Variants in OSBPL10 observed in about 807,000 individuals in gnomAD.
OSBPL10 encodes oxysterol-binding protein-related protein 10.
OSBPL10 carries 49 observed loss-of-function variants against 81.7 expected under a neutral mutation model. The ratio of observed to expected loss-of-function variants is 0.60; its 90% CI spans 0.48 to 0.76. OSBPL10 has a LOEUF of 0.76. OSBPL10 is among the 30% of genes least tolerant of loss of function. OSBPL10 has a pLI of 0.00. For synonymous variants in OSBPL10, 419 were observed against 383.6 expected, an observed-to-expected ratio of 1.09 and a Z score of -1.08; for missense variants, 923 against 987.8, an observed-to-expected ratio of 0.93 and a Z score of 0.88.
intron 2 of OSBPL10, among the ~76,000 whole-genome samples, chr3:32,035,133 C>A (rs1416761423): frequency 1.3e-5 from 2 of 152,096 alleles, no homozygotes; most frequent in Non-Finnish European, 2.9e-5. Flanking sequence ...GTAGGATATA[C>A]CATAAATGTA....
At chr3:31,664,339 C>A (rs1464866868) in intron 10 of OSBPL10, 107 bp from the exon 11 acceptor site, 3 of 1,173,024 alleles carry the variant, frequency 2.6e-6, no homozygotes, top group Non-Finnish European at 3.6e-6. Context: ...CAGGCAAGCC[C>A]CCTCTGGGGT....
chr3:31,783,786 G>A (rs1250200068), intron 4 of OSBPL10, among the ~76,000 whole-genome samples: 16 of 16,808 alleles, frequency 9.5e-4, no homozygotes, highest in African/African-American at 2.6e-3. Context: ...GCAAGACTCC[G>A]ATTAAAAAAA....
At chr3:31,889,189 T>C (rs11926570) in intron 1 of OSBPL10, among the ~76,000 whole-genome samples, 34,721 of 152,148 alleles carry the variant, frequency 0.23, 4,048 homozygotes, top group Non-Finnish European at 0.24. Flanking sequence ...GGAACTCTTA[T>C]ACACTATTGG....
chr3:31,758,026 A>G (rs1229395364), intron 4 of OSBPL10, among the ~76,000 whole-genome samples: 1 of 152,220 alleles, frequency 6.6e-6, no homozygotes, highest in Non-Finnish European at 1.5e-5. Context: ...TGACTAAACT[A>G]TAGAGCCTCA....
At chr3:31,678,781 A>AGTGTGTGTGTGTGTGTGTGT (rs1559411581) in intron 8 of OSBPL10, among the ~76,000 whole-genome samples, 6 of 99,212 alleles carry the variant, frequency 6.0e-5, no homozygotes, top group African/African-American at 2.1e-4. Flanking sequence ...ACAGATTCAA[A>AGTGTGTGTGTGTGTGTGTGT]CTGTGTGTGT....
chr3:31,855,977 C>T (rs747286415), intron 3 of OSBPL10, among the ~76,000 whole-genome samples: 1 of 151,444 alleles, frequency 6.6e-6, no homozygotes, highest in Non-Finnish European at 1.5e-5. Context: ...TAAACTAGTT[C>T]AACTGAATCA....
intron 2 of OSBPL10, among the ~76,000 whole-genome samples, chr3:32,003,333 C>T (rs1699169956): frequency 6.6e-6 from 1 of 152,142 alleles, no homozygotes; most frequent in Non-Finnish European, 1.5e-5. Flanking sequence ...GGCAAGTAGC[C>T]CCCAGAGGGG....
intron 11 of OSBPL10, chr3:31,663,685 G>C: frequency 9.1e-7 from 1 of 1,093,048 alleles, no homozygotes; most frequent in South Asian, 2.7e-5. Context: ...CCCAGGTGTT[G>C]AGATGGCCTG....
At chr3:32,075,959 C>T (rs138957999) in intron 1 of OSBPL10, among the ~76,000 whole-genome samples, 3 of 152,308 alleles carry the variant, frequency 2.0e-5, no homozygotes, top group African/African-American at 4.8e-5. Context: ...TAATCTCCCC[C>T]ACCCTTAAGA....
intron 4 of OSBPL10, among the ~76,000 whole-genome samples, chr3:31,779,420 C>G (rs1698629112): frequency 6.6e-6 from 1 of 152,036 alleles, no homozygotes; most frequent in African/African-American, 2.4e-5. Flanking sequence ...AATTGTTATT[C>G]TATCAGACAA....
At chr3:31,737,592 T>G (rs113362828) in intron 5 of OSBPL10, among the ~76,000 whole-genome samples, 1 of 151,958 alleles carries the variant, frequency 6.6e-6, no homozygotes, top group African/African-American at 2.4e-5. Context: ...GAACAGGAAA[T>G]AGTGGAATCA....
At chr3:31,916,949 TA>T (rs1696773241) in intron 1 of OSBPL10, among the ~76,000 whole-genome samples, 1 of 152,224 alleles carries the variant, frequency 6.6e-6, no homozygotes, top group South Asian at 2.1e-4. Context: ...GCAGACTAAA[TA>T]TATCTCTTTT....
intron 2 of OSBPL10, among the ~76,000 whole-genome samples, chr3:32,044,800 A>C (rs1337677894): frequency 1.3e-5 from 2 of 151,788 alleles, no homozygotes; most frequent in Non-Finnish European, 2.9e-5. Flanking sequence ...CCATATACTA[A>C]GTATAAATAG....
At chr3:31,959,580 G>A (rs1698104909) in intron 1 of OSBPL10, among the ~76,000 whole-genome samples, 1 of 152,140 alleles carries the variant, frequency 6.6e-6, no homozygotes, top group South Asian at 2.1e-4. Flanking sequence ...GAGTCTCAGG[G>A]CATCAGCTAG....
At chr3:31,980,761 C>G in intron 1 of OSBPL10, 138 bp downstream of exon 1, 7 of 1,151,846 alleles carry the variant, frequency 6.1e-6, no homozygotes, top group Non-Finnish European at 8.0e-6. Context: ...GGAAGGGCAC[C>G]GTTGGGAGGC....
At chr3:31,814,583 G>A (rs911910275) in intron 4 of OSBPL10, among the ~76,000 whole-genome samples, 1 of 152,172 alleles carries the variant, frequency 6.6e-6, no homozygotes, top group Non-Finnish European at 1.5e-5. Context: ...ATGAACCACA[G>A]AACAGCAAGG....
At position 31,744,492 on chromosome 3, in the gene OSBPL10, C is replaced by T. The variant is rs529669182; in HGVS notation, c.940+3418G>A. On this transcript the variant is annotated intron_variant, in intron 5 of 11. Transcript: ENST00000396556. ...AGCGGAGGTTGCAGTGAGCCGAGATCGCGTCACTGCACTCCACCCTGGGTG... is the reference window on the plus strand; with the variant it reads ...AGCGGAGGTTGCAGTGAGCCGAGATTGCGTCACTGCACTCCACCCTGGGTG... 3.2e-4 allele frequency among the ~76,000 whole-genome samples: 47 copies of T among 145,136 alleles called. No homozygotes were observed. The South Asian group carries it at 8.2e-3, about 25-fold the overall frequency.
chr3:31,764,332 A>T (rs1014922991), intron 4 of OSBPL10, among the ~76,000 whole-genome samples: 4 of 152,152 alleles, frequency 2.6e-5, no homozygotes, highest in African/African-American at 9.7e-5. Context: ...TCACTGCCAA[A>T]CTCTTTCTGG....
intron 2 of OSBPL10, chr3:32,045,866 G>C (rs967239005): frequency 1.3e-5 from 2 of 152,272 alleles, no homozygotes; most frequent in Non-Finnish European, 2.9e-5. Context: ...TTAAAGAACA[G>C]AATCTCTGCC....
Sources: allele counts gnomAD v4.1 joint callset (sites outside exome capture counted in the v4.1 genomes callset), GRCh38; gene constraint gnomAD v4.1.1; transcripts MANE v1.5; gene names NCBI Gene and HGNC (gene_info 2026-07-23, HGNC 2026-07-21).